Variants in MFHAS1 observed in about 807,000 individuals in gnomAD.
MFHAS1 encodes the protein malignant fibrous histiocytoma-amplified sequence 1.
Under a neutral mutation model 70.4 loss-of-function variants are expected in MFHAS1, and 50 were observed. The observed-to-expected ratio is 0.71, with a 90% CI of 0.57 to 0.90. The LOEUF is 0.90. Among genes scored for constraint, MFHAS1 ranks in the 40% least tolerant of loss-of-function variants. The pLI, the probability that MFHAS1 is intolerant of heterozygous loss-of-function variation, is 0.00. For missense variants in MFHAS1, 1,795 were observed against 1,347.6 expected, an observed-to-expected ratio of 1.33 and a Z score of -5.20; for synonymous variants, 952 against 620.0, an observed-to-expected ratio of 1.54 and a Z score of -7.96.
chr8:8,823,709 G>A (rs939460423), intron 1 of MFHAS1, among the ~76,000 whole-genome samples: 1 of 149,660 alleles, frequency 6.7e-6, no homozygotes, highest in Non-Finnish European at 1.5e-5. Context: ...TTTGACACAG[G>A]TAATGAACCC....
intron 1 of MFHAS1, among the ~76,000 whole-genome samples, chr8:8,867,793 G>C (rs773831784): frequency 6.6e-6 from 1 of 152,054 alleles, no homozygotes; most frequent in Non-Finnish European, 1.5e-5. Context: ...TCCTGACCTC[G>C]TGATGGGCCC....
At chr8:8,818,077 CAT>C (rs2117296659) in intron 1 of MFHAS1, among the ~76,000 whole-genome samples, 1 of 152,298 alleles carries the variant, frequency 6.6e-6, no homozygotes, top group South Asian at 2.1e-4. Flanking sequence ...CATGGCCACC[CAT>C]ACGTCATACT....
At chr8:8,787,476 G>C (rs1022625567) in intron 2 of MFHAS1, among the ~76,000 whole-genome samples, 2 of 152,148 alleles carry the variant, frequency 1.3e-5, no homozygotes, top group African/African-American at 4.8e-5. Flanking sequence ...CCTTTCACTA[G>C]GGTGATCTGA....
intron 1 of MFHAS1, among the ~76,000 whole-genome samples, chr8:8,871,432 C>G (rs947088761): frequency 6.6e-6 from 1 of 152,168 alleles, no homozygotes; most frequent in Non-Finnish European, 1.5e-5. Flanking sequence ...TGCCTGTAAT[C>G]CCTGCTACTC....
At chr8:8,819,194 T>C (rs988411288) in intron 1 of MFHAS1, among the ~76,000 whole-genome samples, 2 of 152,252 alleles carry the variant, frequency 1.3e-5, no homozygotes, top group African/African-American at 4.8e-5. Flanking sequence ...ACACTGTTTC[T>C]ATTCTACTAC....
At chr8:8,793,227 G>A (rs1258929068) in intron 2 of MFHAS1, among the ~76,000 whole-genome samples, 1 of 152,110 alleles carries the variant, frequency 6.6e-6, no homozygotes, top group Non-Finnish European at 1.5e-5. Context: ...CTCCCCATGG[G>A]GGAATAAAAT....
chr8:8,890,927 C>T lies in MFHAS1; in HGVS notation c.2132G>A (p.Gly711Asp). 6.2e-7 allele frequency: 1 copy of T among 1,614,048 alleles called. No individual in the cohort carries two copies. Reference protein sequence around the residue: ...QSALSYLHESGKLLYFEDSPA... With the variant: ...QSALSYLHESDKLLYFEDSPA... ...ACTGTCCTCAAAGTAGAGTAGCTTGCCGCTCTCATGCAGGTAGGAGAGGGC... is the reference window on the plus strand; with the variant it reads ...ACTGTCCTCAAAGTAGAGTAGCTTGTCGCTCTCATGCAGGTAGGAGAGGGC... Residue 711 changes from glycine to aspartate, a missense_variant, in exon 1 of 3, where the codon GGC (glycine) becomes GAC (aspartate). By Grantham distance (94) the Gly-to-Asp change is moderately conservative. Coordinates refer to ENST00000276282, the MANE Select transcript of MFHAS1 (RefSeq NM_004225.3).
At chr8:8,873,515 T>C (rs1174629403) in intron 1 of MFHAS1, among the ~76,000 whole-genome samples, 1 of 149,784 alleles carries the variant, frequency 6.7e-6, no homozygotes, top group Non-Finnish European at 1.5e-5. Context: ...CATTTTAGAG[T>C]GCTGGGTTAC....
At chr8:8,803,824 T>C (rs1044951355) in intron 1 of MFHAS1, among the ~76,000 whole-genome samples, 21 of 151,840 alleles carry the variant, frequency 1.4e-4, no homozygotes, top group East Asian at 7.8e-4. Context: ...AAACAAAAAT[T>C]AGCGGGGCAT....
At position 8,891,922 on chromosome 8, in the gene MFHAS1, C is replaced by T; in HGVS notation, c.1137G>A (p.Gln379=). 1 of 1,610,672 alleles carries T rather than the reference C, an allele frequency of 6.2e-7. No individual in the cohort carries two copies. Among genetic ancestry groups the T allele is most frequent in the Non-Finnish European group, 8.5e-7 (1 of 1,178,210 alleles). ...CCTTCATGCAGACCTCGTAGGGGGGCTGGATCAGTGGGTTGTCTTTGATCT... is the reference window on the plus strand; with the variant it reads ...CCTTCATGCAGACCTCGTAGGGGGGTTGGATCAGTGGGTTGTCTTTGATCT... The part of the protein sequence containing the change: ...LWKIKDNPLI[Q]PPYEVCMKGI... The change falls in exon 1 of 3, where the codon CAG becomes CAA. Residue 379 remains glutamine, a synonymous_variant. Coordinates refer to ENST00000276282, the MANE Select transcript of MFHAS1 (RefSeq NM_004225.3). The surrounding 1 kb of genome is among the most constrained non-coding windows in gnomAD (Gnocchi z 5.4).
intron 1 of MFHAS1, among the ~76,000 whole-genome samples, chr8:8,848,488 G>A (rs1808116197): frequency 6.6e-6 from 1 of 151,712 alleles, no homozygotes; most frequent in South Asian, 2.1e-4. Flanking sequence ...TTAACATAAA[G>A]AGACACACGT....
chr8:8,866,652 C>T (rs569814990), intron 1 of MFHAS1, among the ~76,000 whole-genome samples: 2 of 152,262 alleles, frequency 1.3e-5, no homozygotes, highest in African/African-American at 4.8e-5. Context: ...TAAAAAGGAT[C>T]CGTGATACAA....
chr8:8,882,633 T>A (rs1371015123), intron 1 of MFHAS1, among the ~76,000 whole-genome samples: 1 of 151,576 alleles, frequency 6.6e-6, no homozygotes, highest in Non-Finnish European at 1.5e-5. Context: ...TAAAATAAAA[T>A]AAAAATGAGA....
chr8:8,825,324 C>G (rs1277052978), intron 1 of MFHAS1, among the ~76,000 whole-genome samples: 2 of 152,186 alleles, frequency 1.3e-5, no homozygotes, highest in African/African-American at 4.8e-5. Context: ...AGGTGTGCGT[C>G]ACCACACTCA....
At chr8:8,830,542 T>C (rs1417524603) in intron 1 of MFHAS1, among the ~76,000 whole-genome samples, 1 of 152,134 alleles carries the variant, frequency 6.6e-6, no homozygotes, top group Non-Finnish European at 1.5e-5. Flanking sequence ...TTTTCTAATT[T>C]TACAGGAAAG....
chr8:8,872,673 G>T (rs189908820), intron 1 of MFHAS1, among the ~76,000 whole-genome samples: 1 of 152,144 alleles, frequency 6.6e-6, no homozygotes, highest in Non-Finnish European at 1.5e-5. Flanking sequence ...CAGCTGATAA[G>T]CTCTGGCTGG....
At chr8:8,831,916 A>G (rs1225256017) in intron 1 of MFHAS1, among the ~76,000 whole-genome samples, 1 of 152,166 alleles carries the variant, frequency 6.6e-6, no homozygotes, top group African/African-American at 2.4e-5. Flanking sequence ...CCAGCCGTCA[A>G]TTGATTTTTG....
intron 1 of MFHAS1, among the ~76,000 whole-genome samples, chr8:8,879,847 TATCTA>T (rs1809444165): frequency 6.6e-6 from 1 of 152,186 alleles, no homozygotes. Context: ...TGACGACACT[TATCTA>T]ATCTGGTAAT....
intron 1 of MFHAS1, among the ~76,000 whole-genome samples, chr8:8,819,114 A>C (rs537955887): frequency 1.7e-5 from 2 of 119,048 alleles, no homozygotes; most frequent in South Asian, 6.1e-4. Context: ...GCCAGTAAAA[A>C]AGAATCAAAC....
Sources: gnomAD v4.1 joint callset for allele counts (sites outside exome capture counted in the v4.1 genomes callset) on GRCh38, gnomAD v4.1.1 for gene constraint, Gnocchi (gnomAD v3.1) non-coding constraint, MANE v1.5 for transcripts, NCBI Gene and HGNC (gene_info 2026-07-23, HGNC 2026-07-21) for gene names.